Variants in LRRTM4 observed in about 807,000 individuals in gnomAD.
The protein encoded by LRRTM4 is leucine-rich repeat transmembrane neuronal protein 4.
LRRTM4 carries 25 observed loss-of-function variants against 47.6 expected under a neutral mutation model. The observed-to-expected ratio is 0.53, with a 90% CI of 0.38 to 0.73. The LOEUF is 0.73. Ranked by LOEUF, LRRTM4 falls within the 30% of genes least tolerant of loss-of-function variation. The probability of loss-of-function intolerance (pLI) is 0.00; values close to 1 mark genes in which losing one functional copy is unlikely to be tolerated. For synonymous variants in LRRTM4, 311 were observed against 269.5 expected, an observed-to-expected ratio of 1.15 and a Z score of -1.51; for missense variants, 638 against 713.4, an observed-to-expected ratio of 0.89 and a Z score of 1.20.
intron 3 of LRRTM4, among the ~76,000 whole-genome samples, chr2:76,754,188 T>C (rs920824832): frequency 2.6e-5 from 4 of 152,184 alleles, no homozygotes; most frequent in African/African-American, 9.6e-5. Flanking sequence ...ACTTCACTTA[T>C]TGAAAGTAAA....
At position 77,085,413 on chromosome 2, in the gene LRRTM4, T is replaced by TTG. The variant is rs1680678591; in HGVS notation, c.1552-336499_1552-336498dup. On this transcript the variant is annotated intron_variant, in intron 3 of 3. Coordinates refer to ENST00000409884, the MANE Select transcript of LRRTM4 (RefSeq NM_001134745.3). ...TTTTTGCCTGTTTTAAGGATGTTAT[T>TTG]TGTATACTTTTGAATCTGATGCTAT... Among the ~76,000 whole-genome samples, 8 of 151,894 alleles carry TTG rather than the reference T, an allele frequency of 5.3e-5. No homozygotes were observed. The South Asian group carries it at 1.7e-3, about 31-fold the overall frequency.
At chr2:76,985,632 G>A (rs1046202146) in intron 3 of LRRTM4, among the ~76,000 whole-genome samples, 2 of 151,960 alleles carry the variant, frequency 1.3e-5, no homozygotes, top group Non-Finnish European at 2.9e-5. Context: ...CGCATGATTT[G>A]AAGTTTTTGT....
intron 3 of LRRTM4, among the ~76,000 whole-genome samples, chr2:76,913,311 T>C (rs1257656745): frequency 5.9e-5 from 9 of 152,046 alleles, no homozygotes; most frequent in African/African-American, 1.9e-4. Context: ...TACTGGGTAT[T>C]TTTTTTTCTA....
chr2:77,434,985 C>T (rs1325724037), intron 3 of LRRTM4, among the ~76,000 whole-genome samples: 1 of 151,980 alleles, frequency 6.6e-6, no homozygotes, highest in Non-Finnish European at 1.5e-5. Flanking sequence ...TCTCAGTGGT[C>T]ACTATTGCTA....
chr2:77,146,856 C>T (rs1672273766), intron 3 of LRRTM4, among the ~76,000 whole-genome samples: 1 of 152,068 alleles, frequency 6.6e-6, no homozygotes, highest in Admixed American at 6.6e-5. Flanking sequence ...TTCTCTTTCC[C>T]TCATTCTTCT....
intron 3 of LRRTM4, among the ~76,000 whole-genome samples, chr2:77,018,259 C>CTTTTTTTTTTTTTTTTTTTTTTTG (rs59294966): frequency 1.3e-5 from 1 of 75,036 alleles, no homozygotes; most frequent in African/African-American, 5.2e-5. Flanking sequence ...CTCTTGATTG[C>CTTTTTTTTTTTTTTTTTTTTTTTG]TTTTTTTTTT....
intron 3 of LRRTM4, among the ~76,000 whole-genome samples, chr2:77,443,970 C>T (rs1434183170): frequency 2.0e-5 from 3 of 151,952 alleles, no homozygotes; most frequent in Non-Finnish European, 4.4e-5. Context: ...AGTACACAGG[C>T]ATAGAACATA....
intron 3 of LRRTM4, among the ~76,000 whole-genome samples, chr2:77,381,482 A>G (rs1673048196): frequency 6.6e-6 from 1 of 152,084 alleles, no homozygotes. Flanking sequence ...ACAAATCAGT[A>G]AGAGTCATAC....
chr2:77,017,744 A>G (rs1462967254), intron 3 of LRRTM4, among the ~76,000 whole-genome samples: 1 of 152,144 alleles, frequency 6.6e-6, no homozygotes, highest in East Asian at 1.9e-4. Context: ...AGGAGAATAA[A>G]AACAACAATT....
chr2:76,995,792 G>A (rs1289450525), intron 3 of LRRTM4, among the ~76,000 whole-genome samples: 2 of 151,920 alleles, frequency 1.3e-5, no homozygotes, highest in Non-Finnish European at 2.9e-5. Context: ...TTTGCAGGCT[G>A]GAAACAACTA....
chr2:77,229,093 T>G (rs2103966518), intron 3 of LRRTM4, among the ~76,000 whole-genome samples: 1 of 152,210 alleles, frequency 6.6e-6, no homozygotes, highest in African/African-American at 2.4e-5. Flanking sequence ...GCCCCCTCCC[T>G]CCTTTAAAGC....
In LRRTM4 at chr2:77,012,916, G is replaced by A. The variant is rs547621849; in HGVS notation, c.1552-264000C>T. On this transcript the variant is annotated intron_variant, in intron 3 of 3. Transcript: ENST00000409884. ...ATAACATACCTGGAAATGGGCAAAC[G>A]ATGTATTAAGTGACTGTAGGCCTAT... is the stretch of plus-strand genomic sequence containing the variant. Among the ~76,000 whole-genome samples, 11 of 152,228 alleles carry A rather than the reference G, an allele frequency of 7.2e-5. No homozygotes were observed. In the East Asian group the frequency reaches 1.7e-3, roughly 24 times the overall value.
At chr2:77,172,662 C>T (rs541878624) in intron 3 of LRRTM4, among the ~76,000 whole-genome samples, 24 of 152,064 alleles carry the variant, frequency 1.6e-4, no homozygotes, top group African/African-American at 5.1e-4. Context: ...CAATAGCATT[C>T]TTTTACCTAA....
intron 3 of LRRTM4, among the ~76,000 whole-genome samples, chr2:76,899,352 C>CACACACAT (rs1491331702): frequency 7.3e-5 from 7 of 96,496 alleles, no homozygotes; most frequent in East Asian, 4.6e-4. Context: ...CACACACACA[C>CACACACAT]ATATATATAT....
chr2:77,111,362 C>T (rs1047822060), intron 3 of LRRTM4, among the ~76,000 whole-genome samples: 4 of 148,872 alleles, frequency 2.7e-5, no homozygotes, highest in South Asian at 2.1e-4. Context: ...CTACTGACCT[C>T]GTGATCCGCC....
chr2:77,334,030 G>A (rs570790805), intron 3 of LRRTM4, among the ~76,000 whole-genome samples: 6 of 152,270 alleles, frequency 3.9e-5, no homozygotes, highest in African/African-American at 7.2e-5. Flanking sequence ...TAACTGCCCC[G>A]CTGGATTTTG....
At chr2:77,103,715 G>T (rs1438400967) in intron 3 of LRRTM4, among the ~76,000 whole-genome samples, 1 of 145,418 alleles carries the variant, frequency 6.9e-6, no homozygotes, top group African/African-American at 2.6e-5. Flanking sequence ...TAAAATAAAA[G>T]ATTAGGTAGT....
At chr2:76,801,264 C>G (rs950592904) in intron 3 of LRRTM4, among the ~76,000 whole-genome samples, 5 of 152,072 alleles carry the variant, frequency 3.3e-5, no homozygotes, top group African/African-American at 1.2e-4. Flanking sequence ...GGAACCAACC[C>G]AAATGTCCAA....
intron 3 of LRRTM4, among the ~76,000 whole-genome samples, chr2:77,301,734 C>T (rs1012496290): frequency 1.3e-5 from 2 of 152,120 alleles, no homozygotes; most frequent in Admixed American, 1.3e-4. Flanking sequence ...AATTATTAGG[C>T]AGAATTTTTG....
Sources: gnomAD v4.1 joint callset for allele counts (sites outside exome capture counted in the v4.1 genomes callset) on GRCh38, gnomAD v4.1.1 for gene constraint, MANE v1.5 for transcripts, NCBI Gene and HGNC (gene_info 2026-07-23, HGNC 2026-07-21) for gene names.